Variants in BACH2 observed in about 807,000 individuals in gnomAD.
BACH2 encodes the protein BACH transcriptional regulator 2.
Under a neutral mutation model 61.8 loss-of-function variants are expected in BACH2, and 5 were observed. That is an observed-to-expected ratio of 0.08 (90% CI 0.04 to 0.17). BACH2 has a LOEUF of 0.17. Ranked by LOEUF, BACH2 falls within the 10% of genes least tolerant of loss-of-function variation. The pLI is 1.00. For synonymous variants in BACH2, 446 were observed against 440.1 expected (o/e 1.01, Z -0.17); for missense variants, 824 against 1,091.1 (o/e 0.76, Z 3.45).
chr6:90,181,584 G>A (rs1468920940), intron 4 of BACH2, among the ~76,000 whole-genome samples: 1 of 151,864 alleles, frequency 6.6e-6, no homozygotes, highest in Non-Finnish European at 1.5e-5. Flanking sequence ...TATTATTTTA[G>A]AGACAGAGTT....
At chr6:90,271,982 C>T (rs756281133) in intron 1 of BACH2, 41 bp from the exon 2 acceptor site, 1 of 152,328 alleles carries the variant, frequency 6.6e-6, no homozygotes, top group South Asian at 2.1e-4. Flanking sequence ...GTCACTATAA[C>T]AAAACGTAGT....
intron 4 of BACH2, among the ~76,000 whole-genome samples, chr6:90,197,998 G>A (rs1452662991): frequency 6.6e-6 from 1 of 152,188 alleles, no homozygotes; most frequent in Admixed American, 6.5e-5. Flanking sequence ...ATGAGCTGTG[G>A]TCAAGAATAG....
chr6:90,264,933 G>A (rs1771275847), intron 2 of BACH2, among the ~76,000 whole-genome samples: 1 of 152,158 alleles, frequency 6.6e-6, no homozygotes, highest in Admixed American at 6.5e-5. Flanking sequence ...AAAAACATAA[G>A]TGCTACAAAT....
intron 3 of BACH2, among the ~76,000 whole-genome samples, chr6:90,214,431 A>T (rs1379157230): frequency 6.6e-6 from 1 of 152,214 alleles, no homozygotes; most frequent in Non-Finnish European, 1.5e-5. Flanking sequence ...AATAACAGAC[A>T]GCCTGATGGG....
intron 7 of BACH2, among the ~76,000 whole-genome samples, chr6:89,947,284 C>G (rs557520380): frequency 1.1e-4 from 17 of 152,276 alleles, no homozygotes; most frequent in Admixed American, 2.6e-4. Context: ...GCCTTGAGCA[C>G]TATTACTGGG....
At chr6:90,032,796 T>C (rs1779064009) in intron 5 of BACH2, among the ~76,000 whole-genome samples, 1 of 152,226 alleles carries the variant, frequency 6.6e-6, no homozygotes, top group Admixed American at 6.5e-5. Flanking sequence ...GAAGTCAGTG[T>C]GGCGATTCCT....
At chr6:90,133,574 G>A (rs1784153139) in intron 4 of BACH2, among the ~76,000 whole-genome samples, 1 of 151,498 alleles carries the variant, frequency 6.6e-6, no homozygotes. Flanking sequence ...AAGTTTTAGG[G>A]TACATGTGCA....
intron 4 of BACH2, among the ~76,000 whole-genome samples, chr6:90,138,574 T>C (rs1167255080): frequency 6.6e-6 from 1 of 152,002 alleles, no homozygotes; most frequent in Non-Finnish European, 1.5e-5. Context: ...AAAGGATCCA[T>C]GTAAGTCTTC....
intron 5 of BACH2, among the ~76,000 whole-genome samples, chr6:90,027,898 A>G (rs1778716748): frequency 6.6e-6 from 1 of 152,244 alleles, no homozygotes; most frequent in Admixed American, 6.5e-5. Flanking sequence ...CATTATATAC[A>G]CTTGTAATTC....
intron 5 of BACH2, among the ~76,000 whole-genome samples, chr6:90,057,602 G>A (rs1328911890): frequency 6.6e-6 from 1 of 152,156 alleles, no homozygotes; most frequent in Non-Finnish European, 1.5e-5. Flanking sequence ...GAAAAAGAGG[G>A]AATCCTCCCT....
intron 4 of BACH2, among the ~76,000 whole-genome samples, chr6:90,151,341 G>C (rs1396787429): frequency 6.6e-6 from 1 of 152,052 alleles, no homozygotes; most frequent in Non-Finnish European, 1.5e-5. Context: ...CTGGAATACA[G>C]TGGTACAATC....
At chr6:90,149,116 A>G (rs1784723059) in intron 4 of BACH2, among the ~76,000 whole-genome samples, 1 of 152,238 alleles carries the variant, frequency 6.6e-6, no homozygotes, top group Admixed American at 6.5e-5. Context: ...ATGCGGATGT[A>G]TGATTTGAGA....
At chr6:90,169,013 T>C (rs1767723176) in intron 4 of BACH2, among the ~76,000 whole-genome samples, 1 of 152,178 alleles carries the variant, frequency 6.6e-6, no homozygotes, top group Non-Finnish European at 1.5e-5. Flanking sequence ...CAGAGTGTTG[T>C]ACGATGTTTC....
chr6:90,164,061 G>A (rs982363773), intron 4 of BACH2, among the ~76,000 whole-genome samples: 3 of 152,080 alleles, frequency 2.0e-5, no homozygotes, highest in Non-Finnish European at 2.9e-5. Context: ...AAATAACTAA[G>A]ATCAGAGCAG....
intron 5 of BACH2, among the ~76,000 whole-genome samples, chr6:90,065,554 T>A (rs561198375): frequency 6.6e-6 from 1 of 152,156 alleles, no homozygotes; most frequent in Admixed American, 6.5e-5. Context: ...AGTGGCTGTG[T>A]TCCAATAAAA....
chr6:89,973,508 C>G (rs1049292152), intron 6 of BACH2, among the ~76,000 whole-genome samples: 5 of 152,200 alleles, frequency 3.3e-5, no homozygotes, highest in African/African-American at 1.2e-4. Context: ...TCAAAGTGGA[C>G]TTTGTGATTC....
rs1773349008 is a variant in BACH2 at position 89,940,356 on chromosome 6, A to G, written c.1837-2006T>C. Among the ~76,000 whole-genome samples, 3 of 152,228 alleles carry G rather than the reference A, an allele frequency of 2.0e-5. No homozygotes were observed. The South Asian group carries it at 6.2e-4, about 31-fold the overall frequency. ...CAACCAGTGAAAAAGACTGCATGAA[A>G]GAGCCCCAAGTGCGGAAGGTGAGCA... is the stretch of plus-strand genomic sequence containing the variant. On this transcript the variant is annotated intron_variant, in intron 7 of 8. Coordinates refer to ENST00000257749, the MANE Select transcript of BACH2 (RefSeq NM_021813.4).
chr6:90,295,300 G>C (rs1772306418), intron 1 of BACH2, among the ~76,000 whole-genome samples: 1 of 152,224 alleles, frequency 6.6e-6, no homozygotes, highest in East Asian at 1.9e-4. Context: ...GCGCGGGAGA[G>C]TGCTGGGGAT....
At chr6:89,964,064 G>A (rs972983625) in intron 6 of BACH2, among the ~76,000 whole-genome samples, 1 of 152,258 alleles carries the variant, frequency 6.6e-6, no homozygotes, top group African/African-American at 2.4e-5. Context: ...TGTGGGGTGG[G>A]AGGAGTGGGG....
Sources: gnomAD v4.1 joint callset for allele counts (sites outside exome capture counted in the v4.1 genomes callset) on GRCh38, gnomAD v4.1.1 for gene constraint, MANE v1.5 for transcripts, NCBI Gene and HGNC (gene_info 2026-07-23, HGNC 2026-07-21) for gene names.